Variants in GRIA1 observed in about 807,000 individuals in gnomAD.
GRIA1 encodes the protein glutamate receptor 1.
Under a neutral mutation model 99.2 loss-of-function variants are expected in GRIA1, and 31 were observed. That is an observed-to-expected ratio of 0.31 (90% CI 0.23 to 0.42). GRIA1 has a LOEUF of 0.42. GRIA1 is among the 10% of genes least tolerant of loss of function. The pLI is 1.00. For missense variants in GRIA1, 782 were observed against 1,157.5 expected, an observed-to-expected ratio of 0.68 and a Z score of 4.71; for synonymous variants, 438 against 432.4, an observed-to-expected ratio of 1.01 and a Z score of -0.16.
chr5:153,562,923 A>G (rs1372161146), intron 2 of GRIA1, among the ~76,000 whole-genome samples: 1 of 152,298 alleles, frequency 6.6e-6, no homozygotes, highest in African/African-American at 2.4e-5. Context: ...CATGCCTGTA[A>G]TCCCAGCACT....
At chr5:153,691,221 C>T (rs17523061) in intron 8 of GRIA1, among the ~76,000 whole-genome samples, 14,174 of 152,156 alleles carry the variant, frequency 0.093, 804 homozygotes, top group Non-Finnish European at 0.12. Context: ...TCAAGGATAC[C>T]ACTTCACTAT....
intron 8 of GRIA1, among the ~76,000 whole-genome samples, chr5:153,689,900 G>T (rs1757621292): frequency 6.6e-6 from 1 of 152,198 alleles, no homozygotes; most frequent in Non-Finnish European, 1.5e-5. Context: ...CAGAACCAGA[G>T]GCCCCAGCCC....
chr5:153,794,596 G>C (rs373874870), intron 13 of GRIA1, 25 bp from the exon 14 acceptor site: 1 of 1,432,888 alleles, frequency 7.0e-7, no homozygotes, highest in Non-Finnish European at 9.8e-7. Context: ...GTTACTCATC[G>C]AGTGTTATTT....
intron 2 of GRIA1, among the ~76,000 whole-genome samples, chr5:153,503,798 T>C (rs931008351): frequency 6.6e-6 from 1 of 152,218 alleles, no homozygotes; most frequent in Non-Finnish European, 1.5e-5. Context: ...TCAGGACTGT[T>C]TGTGGCAAGT....
chr5:153,721,392 C>T (rs770914876), intron 11 of GRIA1, among the ~76,000 whole-genome samples: 1 of 152,032 alleles, frequency 6.6e-6, no homozygotes, highest in Non-Finnish European at 1.5e-5. Flanking sequence ...ATAAATAAGA[C>T]ACGAATTATA....
chr5:153,784,955 G>A (rs1764880217), intron 13 of GRIA1, among the ~76,000 whole-genome samples: 1 of 152,114 alleles, frequency 6.6e-6, no homozygotes, highest in Non-Finnish European at 1.5e-5. Flanking sequence ...TCCTACGGAG[G>A]CTCTGGTCCC....
rs935807319 is a variant in GRIA1 at position 153,582,563 on chromosome 5, C to T, written c.221-64365C>T. Among the ~76,000 whole-genome samples, 8 of 152,284 alleles carry T rather than the reference C, an allele frequency of 5.3e-5. 1 individual carries two copies. In the East Asian group the frequency reaches 1.4e-3, roughly 26 times the overall value. On this transcript the variant is annotated intron_variant, in intron 2 of 15. Coordinates refer to ENST00000285900, the MANE Select transcript of GRIA1 (RefSeq NM_000827.4). The stretch of plus-strand genomic sequence containing the variant: ...TTTTTCACTGACAGCATGGTTCCAT[C>T]GTTCTGCCCCTGAATACGGGGACAG...
chr5:153,624,890 A>G (rs1041056410), intron 2 of GRIA1, among the ~76,000 whole-genome samples: 1 of 152,320 alleles, frequency 6.6e-6, no homozygotes, highest in East Asian at 1.9e-4. Flanking sequence ...GTTTGAGTCC[A>G]TGTTAAATGG....
chr5:153,602,092 G>A (rs1025459437), intron 2 of GRIA1, among the ~76,000 whole-genome samples: 5 of 152,130 alleles, frequency 3.3e-5, no homozygotes, highest in Non-Finnish European at 7.3e-5. Context: ...TATGTTTATT[G>A]CAGCACTATT....
intron 11 of GRIA1, among the ~76,000 whole-genome samples, chr5:153,707,597 G>A (rs566880663): frequency 6.6e-6 from 1 of 152,274 alleles, no homozygotes; most frequent in Non-Finnish European, 1.5e-5. Context: ...AGATCTGGAG[G>A]CATAAGTGCA....
At chr5:153,703,826 A>G (rs1000820661) in intron 10 of GRIA1, among the ~76,000 whole-genome samples, 1 of 152,218 alleles carries the variant, frequency 6.6e-6, no homozygotes, top group African/African-American at 2.4e-5. Flanking sequence ...AATCCATGCA[A>G]TATCATTTAC....
At chr5:153,608,397 G>A (rs1449492740) in intron 2 of GRIA1, among the ~76,000 whole-genome samples, 20 of 151,978 alleles carry the variant, frequency 1.3e-4, no homozygotes, top group Admixed American at 1.3e-3. Context: ...ATGTTAAGGT[G>A]TTTCACTGTA....
At chr5:153,650,197 G>A (rs1754450990) in intron 3 of GRIA1, 133 bp from the exon 4 acceptor site, 2 of 665,652 alleles carry the variant, frequency 3.0e-6, no homozygotes, top group African/African-American at 3.6e-5. Flanking sequence ...TTTGCAGCCA[G>A]AGAAAACTAG....
chr5:153,600,220 T>A (rs147890220), intron 2 of GRIA1, among the ~76,000 whole-genome samples: 2,426 of 151,424 alleles, frequency 0.016, 37 homozygotes, highest in Non-Finnish European at 0.023. Flanking sequence ...TGAAACACTG[T>A]CTCTACTAAA....
chr5:153,735,442 C>T (rs554803039), intron 11 of GRIA1, among the ~76,000 whole-genome samples: 24 of 152,134 alleles, frequency 1.6e-4, no homozygotes, highest in South Asian at 2.1e-4. Flanking sequence ...GTAATTAGAA[C>T]GGAACAGAAT....
chr5:153,647,996 C>T (rs889061), intron 3 of GRIA1, among the ~76,000 whole-genome samples: 39,727 of 152,090 alleles, frequency 0.26, 6,004 homozygotes, highest in Non-Finnish European at 0.34. Flanking sequence ...TCATTGTATA[C>T]TAAATAGTCT....
chr5:153,668,485 A>G (rs1276268063), intron 5 of GRIA1, among the ~76,000 whole-genome samples: 2 of 152,210 alleles, frequency 1.3e-5, no homozygotes, highest in Non-Finnish European at 2.9e-5. Context: ...GCCCAAAAAT[A>G]TTGGGAAAGC....
chr5:153,600,391 CAAAAAAAAAAAAA>C (rs57395601), intron 2 of GRIA1, among the ~76,000 whole-genome samples: 1 of 51,488 alleles, frequency 1.9e-5, no homozygotes, highest in African/African-American at 9.1e-5. Flanking sequence ...GACTCCATCT[CAAAAAAAAAAAAA>C]AAAAAAAAAA....
chr5:153,534,293 T>A (rs757652734), intron 2 of GRIA1, among the ~76,000 whole-genome samples: 1 of 152,186 alleles, frequency 6.6e-6, no homozygotes, highest in Admixed American at 6.5e-5. Flanking sequence ...CAGTATTTGA[T>A]GCCAAGTGAA....
Sources: gnomAD v4.1 joint callset for allele counts (sites outside exome capture counted in the v4.1 genomes callset) on GRCh38, gnomAD v4.1.1 for gene constraint, MANE v1.5 for transcripts, NCBI Gene and HGNC (gene_info 2026-07-23, HGNC 2026-07-21) for gene names.